NFIC: variants seen among roughly 807,000 people sequenced by gnomAD.
NFIC encodes nuclear factor 1 C-type.
In NFIC, 12 loss-of-function variants were observed where a neutral mutation model predicts 54.4. The observed-to-expected ratio is 0.22, with a 90% CI of 0.14 to 0.36. The LOEUF is 0.36. Ranked by LOEUF, NFIC falls within the 10% of genes least tolerant of loss-of-function variation. The pLI, the probability that NFIC is intolerant of heterozygous loss-of-function variation, is 1.00. For missense variants in NFIC, 575 were observed against 718.2 expected (o/e 0.80, Z 2.28); for synonymous variants, 322 against 319.2 (o/e 1.01, Z -0.09).
At position 3,380,309 on chromosome 19, in the gene NFIC, C is replaced by CTTTTTTTTTT. The variant is rs529220524; in HGVS notation, c.31-1387_31-1378dup. The stretch of plus-strand genomic sequence containing the variant: ...GTGAGCCACCGTGCCCAGCCTTGTT[C>CTTTTTTTTTT]TTTTTTTTTTTTTTTTTTTTTTTTT... On this transcript the variant is annotated intron_variant, in intron 1 of 10. Coordinates refer to ENST00000443272, the MANE Select transcript of NFIC (RefSeq NM_001245002.2). Among the ~76,000 whole-genome samples the CTTTTTTTTTT allele has an allele frequency of 6.3e-4, 41 of 65,154 alleles. 2 individuals are homozygous for CTTTTTTTTTT. Among genetic ancestry groups the CTTTTTTTTTT allele is most frequent in the African/African-American group, 1.1e-3 (15 of 14,188 alleles). The allele number at this position is 65,154 out of a possible 152,430, so 42.7% of individuals were successfully genotyped here. A position where few individuals can be genotyped will look rare whatever the true frequency, so the allele number is the denominator to read the frequency against.
At chr19:3,366,829 G>A (rs2080896351) in intron 1 of NFIC, among the ~76,000 whole-genome samples, 163 bp downstream of exon 1, 1 of 151,806 alleles carries the variant, frequency 6.6e-6, no homozygotes, top group Non-Finnish European at 1.5e-5. Flanking sequence ...GTGGGGGGAT[G>A]GGTCAGGCTG....
chr19:3,387,201 C>T (rs1000416011), intron 2 of NFIC, among the ~76,000 whole-genome samples: 19 of 152,320 alleles, frequency 1.2e-4, no homozygotes, highest in African/African-American at 3.6e-4. Context: ...CCACTTGCAA[C>T]GTCACAAGTG....
At chr19:3,411,736 C>T (rs551486748) in intron 2 of NFIC, among the ~76,000 whole-genome samples, 3 of 152,244 alleles carry the variant, frequency 2.0e-5, no homozygotes, top group South Asian at 2.1e-4. Context: ...TCACATCCGG[C>T]GGCACACCCA....
Position 3,467,674 on chromosome 19 carries a change from C to T in NFIC, c.*4905C>T, listed in dbSNP as rs1198488357. 1.3e-5 allele frequency: 2 copies of T among 149,336 alleles called. No homozygotes were observed. Among genetic ancestry groups the T allele is most frequent in the Non-Finnish European group, 3.0e-5 (2 of 67,610 alleles). The allele number at this position is 149,336 out of a possible 1,614,324, so 9.3% of individuals were successfully genotyped here. A position where few individuals can be genotyped will look rare whatever the true frequency, so the allele number is the denominator to read the frequency against. On this transcript the variant is annotated 3_prime_UTR_variant, in exon 11 of 11. Transcript: ENST00000443272. ...TGGAGCCAGGAGCAACTGTCCAGCCCTCCAGAAGAGACAGCAAGCAGCCCC... is the reference window on the plus strand; with the variant it reads ...TGGAGCCAGGAGCAACTGTCCAGCCTTCCAGAAGAGACAGCAAGCAGCCCC...
chr19:3,361,441 C>T (rs761220847), intron 1 of NFIC, among the ~76,000 whole-genome samples: 29 of 152,128 alleles, frequency 1.9e-4, no homozygotes, highest in Non-Finnish European at 3.5e-4. Context: ...GACCAGAGGC[C>T]GTGGGCACAG....
chr19:3,371,879 CTCTCCTTCCTTCCTTCCT>C (rs2081016508), intron 1 of NFIC, among the ~76,000 whole-genome samples: 6 of 147,574 alleles, frequency 4.1e-5, no homozygotes, highest in African/African-American at 1.5e-4. Context: ...TTTTCTTTCT[CTCTCCTTCCTTCCTTCCT>C]TCCTTCCTTC....
rs1388372034 is a variant in NFIC, at chr19:3,369,455, G to A, written c.30+2789G>A. Among the ~76,000 whole-genome samples the A allele has an allele frequency of 1.3e-5, 2 of 150,310 alleles. No individual in the cohort carries two copies. Among genetic ancestry groups the A allele is most frequent in the African/African-American group, 2.4e-5 (1 of 40,870 alleles). ...CTAATTTTACAACCTGAGCCCAACCGAAAATAGCTCCCTTTTAGCTGATCC... is the reference window on the plus strand; with the variant it reads ...CTAATTTTACAACCTGAGCCCAACCAAAAATAGCTCCCTTTTAGCTGATCC... On this transcript the variant is annotated intron_variant, in intron 1 of 10. Coordinates refer to ENST00000443272, the MANE Select transcript of NFIC (RefSeq NM_001245002.2). The surrounding 1 kb of genome is among the most constrained non-coding windows in gnomAD (Gnocchi z 4.3).
chr19:3,434,397 G>T lies in NFIC; in HGVS notation c.830G>T (p.Ser277Ile). 6.2e-7 allele frequency: 1 copy of T among 1,604,868 alleles called. No individual in the cohort carries two copies. Reference sequence around the variant, plus strand: ...AGAACGCTGCCCAGCACCTCCTCCAGTGGGTAAGTACCCAGGTCCCCACCT... The same window carrying T: ...AGAACGCTGCCCAGCACCTCCTCCATTGGGTAAGTACCCAGGTCCCCACCT... The part of the protein sequence containing the change: ...LRRTLPSTSS[S>I]GSKRHKSGSM... The change falls in exon 5 of 11, where the codon AGT becomes ATT. Residue 277 changes from serine to isoleucine, a missense_variant. Physicochemically the swap from Ser to Ile is moderately radical, Grantham distance 142 (BLOSUM62 -2). Around this residue, in one of 3 missense-constraint regions of NFIC, gnomAD observed 447 missense variants for 526.9 expected, o/e 0.85. Coordinates refer to ENST00000443272, the MANE Select transcript of NFIC (RefSeq NM_001245002.2).
At chr19:3,449,942 CT>C (rs1181982943) in intron 7 of NFIC, among the ~76,000 whole-genome samples, 1 of 151,952 alleles carries the variant, frequency 6.6e-6, no homozygotes, top group African/African-American at 2.4e-5. Context: ...GTAGTCCCAG[CT>C]ACTTGGGAGG....
rs982203234 is a variant in NFIC, at chr19:3,452,965, G to A, written c.1269+299G>A. 2.0e-5 allele frequency among the ~76,000 whole-genome samples: 3 copies of A among 152,262 alleles called. No individual in the cohort carries two copies. The highest frequency in any genetic ancestry group is 4.4e-5 in the Non-Finnish European group (3 of 68,052). On this transcript the variant is annotated intron_variant, in intron 8 of 10. Transcript: ENST00000443272. The surrounding 1 kb of genome is among the most constrained non-coding windows in gnomAD (Gnocchi z 5.3). ...ACAAGGCAGGGAGGGACTGGGCATA[G>A]CGGCTCATGCCTGTGATCCCAGCGC...
intron 1 of NFIC, among the ~76,000 whole-genome samples, chr19:3,372,712 T>A (rs12974538): frequency 7.9e-6 from 1 of 126,262 alleles, no homozygotes; most frequent in South Asian, 2.6e-4. Flanking sequence ...AGGAGTGGGG[T>A]GGGGGGGTGC....
upstream of NFIC, among the ~76,000 whole-genome samples, chr19:3,365,656 C>T (rs78852075): frequency 5.4e-3 from 825 of 152,306 alleles, 8 homozygotes; most frequent in African/African-American, 0.019. Context: ...AGGGCACACC[C>T]CTGAGGCAGG....
At chr19:3,393,672 G>A (rs1387107514) in intron 2 of NFIC, among the ~76,000 whole-genome samples, 2 of 151,400 alleles carry the variant, frequency 1.3e-5, no homozygotes, top group African/African-American at 2.4e-5. Context: ...AAAATGAGCC[G>A]GGCGTGGTGG....
chr19:3,365,778 C>T (rs1009725272), upstream of NFIC, among the ~76,000 whole-genome samples: 8 of 152,148 alleles, frequency 5.3e-5, no homozygotes, highest in Admixed American at 2.0e-4. Flanking sequence ...GGCGAGGCCA[C>T]CCCTCCCCTG....
At chr19:3,428,489 A>G (rs2082063249) in intron 3 of NFIC, among the ~76,000 whole-genome samples, 1 of 151,356 alleles carries the variant, frequency 6.6e-6, no homozygotes, top group Admixed American at 6.6e-5. Context: ...AGGAAGAGAA[A>G]GCGAGTGGGT....
chr19:3,425,711 C>T (rs1000316397), intron 3 of NFIC, among the ~76,000 whole-genome samples: 3 of 151,776 alleles, frequency 2.0e-5, no homozygotes, highest in South Asian at 4.1e-4. Context: ...CCGCCTACCT[C>T]GGCCTCCCAA....
At chr19:3,381,460 TC>T (rs1159756718) in intron 1 of NFIC, among the ~76,000 whole-genome samples, 2 of 151,350 alleles carry the variant, frequency 1.3e-5, no homozygotes. Flanking sequence ...TCTCACATAG[TC>T]CAAGTCTGTT....
chr19:3,374,707 C>G (rs2081075850), intron 1 of NFIC, among the ~76,000 whole-genome samples: 1 of 152,172 alleles, frequency 6.6e-6, no homozygotes, highest in Non-Finnish European at 1.5e-5. Flanking sequence ...TTTTCAGCAT[C>G]TAGCTTGTCT....
At position 3,455,767 on chromosome 19, in the gene NFIC, ATC is replaced by A. The variant is rs1475834434; in HGVS notation, c.1424-782_1424-781del. Among the ~76,000 whole-genome samples the A allele has an allele frequency of 7.9e-5, 12 of 152,172 alleles. No individual in the cohort carries two copies. The East Asian group carries it at 1.7e-3, about 22-fold the overall frequency. On this transcript the variant is annotated intron_variant, in intron 9 of 10. Coordinates refer to ENST00000443272, the MANE Select transcript of NFIC (RefSeq NM_001245002.2). ...TAATAGATGCAGGATGCTGCTTAGT[ATC>A]CACTCAGGGCTCAACGGGATTATGC...
Sources: allele counts gnomAD v4.1 joint callset (sites outside exome capture counted in the v4.1 genomes callset), GRCh38; gene constraint gnomAD v4.1.1; regional missense constraint gnomAD v4.1.1; non-coding constraint Gnocchi (gnomAD v3.1); transcripts MANE v1.5; gene names NCBI Gene and HGNC (gene_info 2026-07-23, HGNC 2026-07-21).